Variants in PCDHGB5 observed in about 807,000 individuals in gnomAD.
PCDHGB5 encodes protocadherin gamma-B5.
PCDHGB5 carries 48 observed loss-of-function variants against 62.9 expected under a neutral mutation model. The observed-to-expected ratio is 0.76, with a 90% CI of 0.61 to 0.97. The LOEUF is 0.97. Ranked by LOEUF, PCDHGB5 falls within the 50% of genes least tolerant of loss-of-function variation. PCDHGB5 has a pLI of 0.00. For synonymous variants in PCDHGB5, 474 were observed against 511.2 expected, an observed-to-expected ratio of 0.93 and a Z score of 0.98; for missense variants, 1,118 against 1,198.6, an observed-to-expected ratio of 0.93 and a Z score of 0.99.
intron 1 of PCDHGB5, among the ~76,000 whole-genome samples, chr5:141,470,385 T>C (rs1278833959): frequency 1.3e-5 from 2 of 152,206 alleles, no homozygotes; most frequent in Non-Finnish European, 2.9e-5. Flanking sequence ...GACTACTCGA[T>C]GATATTTAGG....
rs552017054 is a variant in PCDHGB5 at position 141,425,594 on chromosome 5, A to G, written c.2397+25070A>G. On this transcript the variant is annotated intron_variant, in intron 1 of 3. Transcript: ENST00000617380. ...GGGTTTGGCTAACTTTATTCTGAAT[A>G]TGCCCTATATAGCTTTCAGTGCTCC... 2.6e-5 allele frequency among the ~76,000 whole-genome samples: 4 copies of G among 152,370 alleles called. No homozygotes were observed. In the South Asian group the frequency reaches 8.3e-4, roughly 32 times the overall value.
chr5:141,486,844 C>T lies in PCDHGB5; in HGVS notation c.2398-7963C>T, dbSNP rs150549306. The T allele has an allele frequency of 1.1e-5, 17 of 1,614,220 alleles. No homozygotes were observed. The highest frequency in any genetic ancestry group is 1.4e-5 in the Non-Finnish European group (16 of 1,180,026). ...TAACAGTTCGTCTATTTGTGCTGGACCTCAATGACAATGCTCCAGCTGTGC... is the reference window on the plus strand; with the variant it reads ...TAACAGTTCGTCTATTTGTGCTGGATCTCAATGACAATGCTCCAGCTGTGC... On this transcript the variant is annotated intron_variant, in intron 1 of 3. Transcript: ENST00000617380. The surrounding 1 kb of genome is among the most constrained non-coding windows in gnomAD (Gnocchi z 5.0).
chr5:141,447,058 G>A (rs1356080567), intron 1 of PCDHGB5, among the ~76,000 whole-genome samples: 1 of 152,068 alleles, frequency 6.6e-6, no homozygotes, highest in Non-Finnish European at 1.5e-5. Flanking sequence ...ATTAAAATGT[G>A]TCAGGCTGTT....
intron 1 of PCDHGB5, chr5:141,441,550 G>C (rs2098254247): frequency 5.4e-6 from 1 of 184,034 alleles, no homozygotes; most frequent in Non-Finnish European, 1.1e-5. Context: ...AGCCTCCATA[G>C]TGTGCAAGTA....
intron 1 of PCDHGB5, among the ~76,000 whole-genome samples, chr5:141,437,514 C>G (rs2097891371): frequency 6.6e-6 from 1 of 152,114 alleles, no homozygotes; most frequent in South Asian, 2.1e-4. Flanking sequence ...AATTATAAGG[C>G]TGATGACAAA....
intron 1 of PCDHGB5, chr5:141,433,010 C>A (rs1392666523): frequency 6.2e-7 from 1 of 1,614,178 alleles, no homozygotes. Flanking sequence ...GGCTTTCCTG[C>A]AGACCTATTC....
At chr5:141,418,124 C>A (rs762154093) in intron 1 of PCDHGB5, 33 of 1,613,836 alleles carry the variant, frequency 2.0e-5, no homozygotes, top group East Asian at 1.3e-4. Flanking sequence ...TGTGAAGGAC[C>A]GAATAGACCG....
chr5:141,459,510 T>G (rs1449866159), intron 1 of PCDHGB5, among the ~76,000 whole-genome samples: 1 of 152,252 alleles, frequency 6.6e-6, no homozygotes, highest in Non-Finnish European at 1.5e-5. Context: ...TGAACAATCA[T>G]GTACAAGTAT....
chr5:141,428,446 T>C lies in PCDHGB5; in HGVS notation c.2397+27922T>C, dbSNP rs575475897. On this transcript the variant is annotated intron_variant, in intron 1 of 3. Coordinates refer to ENST00000617380, the MANE Select transcript of PCDHGB5 (RefSeq NM_018925.3). The stretch of plus-strand genomic sequence containing the variant: ...CTGTTCTAAGACTAGACCAGGGGTT[T>C]TTCCCAACTACAATGAGGGAACTTT... 4.2e-5 allele frequency: 16 copies of C among 378,218 alleles called. No homozygotes were observed. The East Asian group carries it at 8.8e-4, about 21-fold the overall frequency. 23.4% of individuals were successfully genotyped at this position (378,218 alleles called of 1,614,324 possible). A position where few individuals can be genotyped will look rare whatever the true frequency, so the allele number is the denominator to read the frequency against.
intron 1 of PCDHGB5, among the ~76,000 whole-genome samples, chr5:141,472,119 A>C (rs1015212535): frequency 6.6e-6 from 1 of 152,240 alleles, no homozygotes; most frequent in African/African-American, 2.4e-5. Context: ...AAAGAAAATA[A>C]AAGAGAAGTT....
intron 1 of PCDHGB5, chr5:141,409,041 A>T: frequency 6.2e-7 from 1 of 1,613,982 alleles, no homozygotes; most frequent in Non-Finnish European, 8.5e-7. Flanking sequence ...ATAAACTACT[A>T]CTTCCGAAGC....
At chr5:141,438,621 T>C (rs1164140266) in intron 1 of PCDHGB5, among the ~76,000 whole-genome samples, 4 of 41,368 alleles carry the variant, frequency 9.7e-5, no homozygotes, top group Admixed American at 3.5e-4. Flanking sequence ...TATATATATA[T>C]ATATATATAT....
chr5:141,490,346 TG>T lies in PCDHGB5; in HGVS notation c.2398-4457del, dbSNP rs1458588422. ...GAGAGCACACCAGTGGGCACAGTAG[TG>T]GGGTTGTTTAATGTGCGAGACCGGG... On this transcript the variant is annotated intron_variant, in intron 1 of 3. Coordinates refer to ENST00000617380, the MANE Select transcript of PCDHGB5 (RefSeq NM_018925.3). The surrounding 1 kb of genome is among the most constrained non-coding windows in gnomAD (Gnocchi z 5.4). 1.2e-6 allele frequency: 2 copies of T among 1,614,164 alleles called. No individual in the cohort carries two copies. The highest frequency in any genetic ancestry group is 3.3e-5 in the Admixed American group (2 of 60,032).
chr5:141,424,203 GC>G (rs777832241), intron 1 of PCDHGB5: 3 of 175,740 alleles, frequency 1.7e-5, no homozygotes, highest in Non-Finnish European at 3.6e-5. Flanking sequence ...ATACACGTAA[GC>G]TTTTCTCTGA....
At chr5:141,501,328 CA>C (rs1446948770) in intron 2 of PCDHGB5, among the ~76,000 whole-genome samples, 83 of 151,828 alleles carry the variant, frequency 5.5e-4, no homozygotes, top group Admixed American at 2.2e-3. Context: ...CACACACACA[CA>C]CACACCCCAA....
rs779792543 is a variant in PCDHGB5 at position 141,486,994 on chromosome 5, C to T, written c.2398-7813C>T. ...ATTCAGGTTACAATGCTTGGGTTTCCTATCAGCTCCTGGAGGCCCCAGATC... is the reference window on the plus strand; with the variant it reads ...ATTCAGGTTACAATGCTTGGGTTTCTTATCAGCTCCTGGAGGCCCCAGATC... On this transcript the variant is annotated intron_variant, in intron 1 of 3. Coordinates refer to ENST00000617380, the MANE Select transcript of PCDHGB5 (RefSeq NM_018925.3). This position sits in a 1 kb window ranked among gnomAD's most constrained non-coding sequence, Gnocchi z 5.0. The T allele has an allele frequency of 6.2e-7, 1 of 1,614,214 alleles. No individual in the cohort carries two copies. The highest frequency in any genetic ancestry group is 8.5e-7 in the Non-Finnish European group (1 of 1,180,034).
chr5:141,430,686 C>G, intron 1 of PCDHGB5: 1 of 1,397,218 alleles, frequency 7.2e-7, no homozygotes, highest in Non-Finnish European at 9.5e-7. Context: ...CTGTCCCATT[C>G]TATGGGCGAA....
intron 1 of PCDHGB5, among the ~76,000 whole-genome samples, chr5:141,450,639 A>T (rs1390959433): frequency 6.6e-6 from 1 of 151,390 alleles, no homozygotes; most frequent in Non-Finnish European, 1.5e-5. Flanking sequence ...GATGCCTGCC[A>T]CCATGCCTGG....
At chr5:141,467,672 A>T (rs1410623274) in intron 1 of PCDHGB5, among the ~76,000 whole-genome samples, 2 of 151,636 alleles carry the variant, frequency 1.3e-5, no homozygotes, top group Non-Finnish European at 2.9e-5. Context: ...GAAGATTTTT[A>T]TTTTTTTTAG....
Sources: allele counts gnomAD v4.1 joint callset (sites outside exome capture counted in the v4.1 genomes callset), GRCh38; gene constraint gnomAD v4.1.1; non-coding constraint Gnocchi (gnomAD v3.1); transcripts MANE v1.5; gene names NCBI Gene and HGNC (gene_info 2026-07-23, HGNC 2026-07-21).